Variants in RSPH10B2 observed in about 807,000 individuals in gnomAD.
RSPH10B2 encodes radial spoke head 10 homolog B2, also known as radial spoke head 10 homolog B2 (Chlamydomonas).
Under a neutral mutation model 49.0 loss-of-function variants are expected in RSPH10B2, and 9 were observed. The ratio of observed to expected loss-of-function variants is 0.18; its 90% CI spans 0.11 to 0.32. The LOEUF (loss-of-function observed/expected upper bound fraction) is 0.32, where lower values mean the gene tolerates loss of function less well. RSPH10B2 is among the 10% of genes least tolerant of loss of function. The probability of loss-of-function intolerance (pLI) is 1.00; values close to 1 mark genes in which losing one functional copy is unlikely to be tolerated. For synonymous variants in RSPH10B2, 35 were observed against 210.2 expected, an observed-to-expected ratio of 0.17 and a Z score of 7.21; for missense variants, 95 against 589.9, an observed-to-expected ratio of 0.16 and a Z score of 8.69.
chr7:6,776,335 C>T (rs1166611510), intron 9 of RSPH10B2, 22 bp from the exon 12 acceptor site: 3 of 13,030 alleles, frequency 2.3e-4, no homozygotes, highest in South Asian at 1.8e-3. Context: ...TCTTAATCCA[C>T]GTATGACTTT....
At chr7:6,797,967 A>G in intron 18 of RSPH10B2, among the ~76,000 whole-genome samples, 1 of 94,494 alleles carries the variant, frequency 1.1e-5, no homozygotes, top group Non-Finnish European at 2.0e-5. Context: ...GGTGAAACCC[A>G]TCTCTACTAA....
intron 4 of RSPH10B2, among the ~76,000 whole-genome samples, 155 bp downstream of exon 6, chr7:6,764,256 GC>G (rs1781367179): frequency 7.2e-6 from 1 of 139,718 alleles, no homozygotes; most frequent in Non-Finnish European, 1.6e-5. Context: ...GGGCTGGGTG[GC>G]CACATGGAGG....
chr7:6,780,298 C>T (rs1781884294), intron 11 of RSPH10B2, among the ~76,000 whole-genome samples: 1 of 125,920 alleles, frequency 7.9e-6, no homozygotes, highest in Non-Finnish European at 1.7e-5. Context: ...CAAATAGTCA[C>T]AACCAAGTCT....
At chr7:6,785,729 G>A (rs1782136188) in intron 13 of RSPH10B2, among the ~76,000 whole-genome samples, 1 of 151,154 alleles carries the variant, frequency 6.6e-6, no homozygotes, top group Admixed American at 6.6e-5. Flanking sequence ...GGAGGCTGAG[G>A]CAGGAGAATC....
chr7:6,785,751 G>A (rs1433739838), intron 13 of RSPH10B2, among the ~76,000 whole-genome samples, 198 bp from the exon 16 acceptor site: 4 of 151,166 alleles, frequency 2.6e-5, no homozygotes, highest in African/African-American at 4.9e-5. Flanking sequence ...CTTGAACCCA[G>A]GAGGTGGAGG....
intron 10 of RSPH10B2, among the ~76,000 whole-genome samples, chr7:6,777,712 GCCC>G (rs1173943275): frequency 2.4e-5 from 3 of 122,476 alleles, no homozygotes; most frequent in African/African-American, 9.1e-5. Flanking sequence ...GAAACCAACA[GCCC>G]CCCACCGCTT....
chr7:6,786,367 T>A (rs1583527272), intron 14 of RSPH10B2, among the ~76,000 whole-genome samples: 2 of 123,566 alleles, frequency 1.6e-5, no homozygotes, highest in Non-Finnish European at 3.3e-5. Flanking sequence ...TTTTTTTGTA[T>A]TTTTTTTTAG....
At chr7:6,756,087 T>C (rs1310961617), upstream of RSPH10B2, among the ~76,000 whole-genome samples, 3 of 150,304 alleles carry the variant, frequency 2.0e-5, no homozygotes, top group Non-Finnish European at 2.9e-5. Flanking sequence ...GCTAACCCGG[T>C]GAAACCCCGT....
At chr7:6,777,004 G>C (rs1781773483) in intron 10 of RSPH10B2, among the ~76,000 whole-genome samples, 1 of 112,568 alleles carries the variant, frequency 8.9e-6, no homozygotes, top group African/African-American at 3.3e-5. Flanking sequence ...CTACACAGTG[G>C]AAGGTGAGCA....
In RSPH10B2 at chr7:6,793,265, T is replaced by C. The variant is rs966422757; in HGVS notation, c.2233+1268T>C. ...TGGGGTCTTGCTATGTTGCCCAGGC[T>C]GGTCTTGAACTCCCGGGCCCAAGTG... On this transcript the variant is annotated intron_variant, in intron 17 of 18. Transcript: ENST00000297186. Among the ~76,000 whole-genome samples, 2 of 114,742 alleles carry C rather than the reference T, an allele frequency of 1.7e-5. 1 individual carries two copies. The highest frequency in any genetic ancestry group is 3.5e-5 in the Non-Finnish European group (2 of 57,852). 75.3% of individuals were successfully genotyped at this position (114,742 alleles called of 152,430 possible). A position where few individuals can be genotyped will look rare whatever the true frequency, so the allele number is the denominator to read the frequency against.
intron 1 of RSPH10B2, among the ~76,000 whole-genome samples, chr7:6,758,343 GGTTT>G (rs1293967639): frequency 1.7e-4 from 25 of 147,942 alleles, no homozygotes; most frequent in Non-Finnish European, 1.2e-4. Flanking sequence ...TACATGTGCA[GGTTT>G]GTTACATGGG....
In RSPH10B2 at chr7:6,780,262, A is replaced by G. The variant is rs1334640315; in HGVS notation, c.1529+538A>G. On this transcript the variant is annotated intron_variant, in intron 11 of 18. Coordinates refer to ENST00000297186, the Ensembl canonical transcript of RSPH10B2. ...ATCTGGTCAGTTCAATACTGCAAAT[A>G]TCTCTCGGGGTTTCTAATGCAGAAA... Among the ~76,000 whole-genome samples, 13 of 123,680 alleles carry G rather than the reference A, an allele frequency of 1.1e-4. 3 individuals carry two copies. In the Admixed American group the frequency reaches 1.2e-3, roughly 11 times the overall value. 81.1% of individuals were successfully genotyped at this position (123,680 alleles called of 152,430 possible).
chr7:6,797,905 A>G (rs9801578), intron 18 of RSPH10B2, among the ~76,000 whole-genome samples: 7,882 of 68,070 alleles, frequency 0.12, 881 homozygotes, highest in Middle Eastern at 0.26. Flanking sequence ...TTGGGAGGCC[A>G]AGGTGGGTGG....
At chr7:6,756,118 G>C (rs1433185146), upstream of RSPH10B2, among the ~76,000 whole-genome samples, 5 of 146,240 alleles carry the variant, frequency 3.4e-5, no homozygotes, top group Non-Finnish European at 7.6e-5. Context: ...AATACAAAAA[G>C]AATTAGCCAG....
At chr7:6,756,091 A>AC (rs1321085057), upstream of RSPH10B2, among the ~76,000 whole-genome samples, 1 of 150,354 alleles carries the variant, frequency 6.7e-6, no homozygotes, top group Non-Finnish European at 1.5e-5. Flanking sequence ...ACCCGGTGAA[A>AC]CCCCGTCTCT....
intron 11 of RSPH10B2, among the ~76,000 whole-genome samples, chr7:6,780,332 GTCTT>G (rs2115449995): frequency 8.0e-6 from 1 of 125,312 alleles, no homozygotes; most frequent in South Asian, 3.6e-4. Flanking sequence ...AGAATTTCTT[GTCTT>G]TCTTACAGCA....
rs1316382653 is a variant in RSPH10B2 at position 6,791,301 on chromosome 7, C to T, written c.2140-603C>T. Among the ~76,000 whole-genome samples the T allele has an allele frequency of 2.5e-4, 34 of 134,502 alleles. 1 individual carries two copies. The highest frequency in any genetic ancestry group is 9.6e-4 in the Admixed American group (13 of 13,508). The allele number at this position is 134,502 out of a possible 152,430, so 88.2% of individuals were successfully genotyped here. On this transcript the variant is annotated intron_variant, in intron 16 of 18. Coordinates refer to ENST00000297186, the Ensembl canonical transcript of RSPH10B2. ...ACAGGCATGAGCCACCACGCCTAGC[C>T]GGTATCATTAATTTTATACAATAAA...
intron 10 of RSPH10B2, among the ~76,000 whole-genome samples, chr7:6,776,873 TCACACACACACACA>T (rs746541740): frequency 5.0e-4 from 55 of 111,072 alleles, no homozygotes; most frequent in African/African-American, 1.4e-3. Context: ...CGAGACTCCA[TCACACACACACACA>T]CACACACACA....
chr7:6,785,422 C>G (rs1232382546), intron 13 of RSPH10B2, among the ~76,000 whole-genome samples: 2 of 152,296 alleles, frequency 1.3e-5, no homozygotes, highest in East Asian at 1.9e-4. Flanking sequence ...AAGTGATCCT[C>G]CCACGTCGGC....
Sources: allele counts gnomAD v4.1 joint callset (sites outside exome capture counted in the v4.1 genomes callset), GRCh38; gene constraint gnomAD v4.1.1; transcripts MANE v1.5; gene names NCBI Gene and HGNC (gene_info 2026-07-23, HGNC 2026-07-21).